TLR1: variants seen among roughly 807,000 people sequenced by gnomAD.
The protein encoded by TLR1 is toll like receptor 1.
TLR1 carries 19 observed loss-of-function variants against 20.2 expected under a neutral mutation model. The ratio of observed to expected loss-of-function variants is 0.94; its 90% confidence interval spans 0.66 to 1.38. The LOEUF (loss-of-function observed/expected upper bound fraction) is 1.38, where lower values mean the gene tolerates loss of function less well. Among genes scored for constraint, TLR1 ranks in the 40% most tolerant of loss-of-function variants. The pLI is 0.00. For missense variants in TLR1, 921 were observed against 910.0 expected (o/e 1.01, Z -0.16); for synonymous variants, 320 against 334.5 (o/e 0.96, Z 0.47).
downstream of TLR1, among the ~76,000 whole-genome samples, chr4:38,793,299 C>T (rs949272087): frequency 2.0e-5 from 3 of 152,068 alleles, no homozygotes; most frequent in Non-Finnish European, 4.4e-5. Flanking sequence ...ATCTAAAGGT[C>T]TTGGCTAGCT....
At chr4:38,788,253 AAG>A (rs939517480), downstream of TLR1, among the ~76,000 whole-genome samples, 1 of 152,220 alleles carries the variant, frequency 6.6e-6, no homozygotes, top group Non-Finnish European at 1.5e-5. Context: ...GGCAAAGAAC[AAG>A]AGAGAAATGG....
downstream of TLR1, among the ~76,000 whole-genome samples, chr4:38,788,577 T>C (rs1725653410): frequency 6.6e-6 from 1 of 152,228 alleles, no homozygotes; most frequent in African/African-American, 2.4e-5. Context: ...AAGATATATT[T>C]CAATACGTCC....
At chr4:38,794,501 G>A (rs1356192289), downstream of TLR1, 1 of 151,964 alleles carries the variant, frequency 6.6e-6, no homozygotes, top group Non-Finnish European at 1.5e-5. Flanking sequence ...AGTCAAACTG[G>A]GATACCAGTC....
upstream of TLR1, chr4:38,805,439 G>T (rs1726953201): frequency 6.6e-6 from 1 of 152,148 alleles, no homozygotes; most frequent in Non-Finnish European, 1.5e-5. Flanking sequence ...TTCTTAGCGT[G>T]TTTTTCACAT....
chr4:38,793,243 T>C (rs149644697), downstream of TLR1, among the ~76,000 whole-genome samples: 1 of 152,296 alleles, frequency 6.6e-6, no homozygotes, highest in East Asian at 1.9e-4. Flanking sequence ...GTGAAAACTG[T>C]AGTTTGGGAG....
chr4:38,796,538 C>T lies in TLR1; in HGVS notation c.2294G>A (p.Arg765His), dbSNP rs1459838090. 28 of 1,614,032 alleles carry T rather than the reference C, an allele frequency of 1.7e-5. No homozygotes were observed. Among genetic ancestry groups the T allele is most frequent in the Non-Finnish European group, 2.2e-5 (26 of 1,180,026 alleles). ...YLEWPKEKSK[R>H]GLFWANLRAA... ...CCTTAAGTTAGCCCAAAAAAGGCCA[C>T]GTTTGCTCTTTTCCTTGGGCCATTC... The change falls in exon 4 of 4, where the codon CGT (arginine) becomes CAT (histidine). Residue 765 changes from arginine (R) to histidine (H), a missense_variant. Transcript: ENST00000308979.
At chr4:38,791,380 T>G (rs1305650312), downstream of TLR1, 1 of 152,240 alleles carries the variant, frequency 6.6e-6, no homozygotes, top group Non-Finnish European at 1.5e-5. Flanking sequence ...GGATCCTGTT[T>G]TGGGCTGACC....
intron 2 of TLR1, among the ~76,000 whole-genome samples, chr4:38,801,293 T>A (rs1363780208): frequency 6.6e-6 from 1 of 152,164 alleles, no homozygotes; most frequent in Non-Finnish European, 1.5e-5. Context: ...TTCTGCCATA[T>A]GAAAATACAA....
upstream of TLR1, chr4:38,805,448 A>G (rs909430783): frequency 1.3e-5 from 2 of 152,236 alleles, no homozygotes; most frequent in Admixed American, 1.3e-4. Context: ...TGTTTTTCAC[A>G]TAGGGTTTAT....
At chr4:38,804,655 A>G (rs993428112) in intron 1 of TLR1, 99 bp downstream of exon 1, 1 of 152,242 alleles carries the variant, frequency 6.6e-6, no homozygotes, top group Non-Finnish European at 1.5e-5. Flanking sequence ...ACCCACTTAG[A>G]AAAACACCCA....
downstream of TLR1, among the ~76,000 whole-genome samples, chr4:38,792,944 T>C (rs892581062): frequency 9.3e-5 from 14 of 150,888 alleles, no homozygotes; most frequent in Non-Finnish European, 1.8e-4. Flanking sequence ...CTCGCTAGTA[T>C]AGCAGGCTGA....
chr4:38,787,979 C>T (rs1342163295), downstream of TLR1, among the ~76,000 whole-genome samples: 2 of 152,220 alleles, frequency 1.3e-5, no homozygotes, highest in Non-Finnish European at 1.5e-5. Context: ...ACCCTGCTCA[C>T]TCTGGGAATG....
chr4:38,798,920 G>T, intron 3 of TLR1, 22 bp from the exon 4 acceptor site: 1 of 1,081,194 alleles, frequency 9.2e-7, no homozygotes. Flanking sequence ...ATAATGAAAT[G>T]ATGAAATACA....
rs1334780121 is a variant in TLR1, at chr4:38,804,769, G to T, written c.-252C>A. 1 of 152,132 alleles carries T rather than the reference G, an allele frequency of 6.6e-6. No homozygotes were observed. The highest frequency in any genetic ancestry group is 1.5e-5 in the Non-Finnish European group (1 of 68,034). The allele number at this position is 152,132 out of a possible 1,614,324, so 9.4% of individuals were successfully genotyped here. A position where few individuals can be genotyped will look rare whatever the true frequency, so the allele number is the denominator to read the frequency against. ...TGTTGCTTACCAAGACAACCTGCTT[G>T]TCTGTTCCATTTGGCAGTCTGTAAG... On this transcript the variant is annotated 5_prime_UTR_variant, in exon 1 of 4. Transcript: ENST00000308979.
At chr4:38,798,938 C>T (rs1726433849) in intron 3 of TLR1, 40 bp from the exon 4 acceptor site, 1 of 975,120 alleles carries the variant, frequency 1.0e-6, no homozygotes, top group African/African-American at 1.7e-5. Flanking sequence ...ACATTACATA[C>T]ATTTTTAAAA....
rs1458662152 is a variant in TLR1 at position 38,798,869 on chromosome 4, C to T, written c.-38G>A. 1 of 1,431,614 alleles carries T rather than the reference C, an allele frequency of 7.0e-7. No homozygotes were observed. The allele number at this position is 1,431,614 out of a possible 1,614,324, so 88.7% of individuals were successfully genotyped here. On this transcript the variant is annotated 5_prime_UTR_variant, in exon 4 of 4. Coordinates refer to ENST00000308979, the MANE Select transcript of TLR1 (RefSeq NM_003263.4). ...GACATTCCTAAAGGTAGAAGCTGTT[C>T]TTCAGATCATCTTGATACAGATACA...
downstream of TLR1, among the ~76,000 whole-genome samples, chr4:38,789,370 C>T (rs558494596): frequency 6.6e-6 from 1 of 152,204 alleles, no homozygotes; most frequent in East Asian, 1.9e-4. Flanking sequence ...TGTTTTTCTG[C>T]GAATCTGTTG....
chr4:38,794,157 C>T (rs896634317), downstream of TLR1, among the ~76,000 whole-genome samples: 7 of 152,250 alleles, frequency 4.6e-5, no homozygotes, highest in African/African-American at 1.4e-4. Context: ...ACCTTGAAAA[C>T]GAATACATAA....
At position 38,797,977 on chromosome 4, in the gene TLR1, A is replaced by G. The variant is rs1726265489; in HGVS notation, c.855T>C (p.Gly285=). The G allele has an allele frequency of 1.2e-6, 2 of 1,614,178 alleles. No individual in the cohort carries two copies. The highest frequency in any genetic ancestry group is 4.5e-5 in the East Asian group (2 of 44,882). ...YFSISNVKLQ[G]QLDFRDFDYS... is the part of the protein sequence containing the mutation. ...AATCAAAATCTCTGAAGTCCAGCTG[A>G]CCCTGTAGCTTCACGTTTGAAATTG... The change falls in exon 4 of 4, where the codon GGT becomes GGC. Residue 285 remains glycine, a synonymous_variant. Transcript: ENST00000308979.
Sources: allele counts gnomAD v4.1 joint callset (sites outside exome capture counted in the v4.1 genomes callset), GRCh38; gene constraint gnomAD v4.1.1; transcripts MANE v1.5; gene names NCBI Gene and HGNC (gene_info 2026-07-23, HGNC 2026-07-21).